Variants in TBC1D21 observed in about 807,000 individuals in gnomAD.
TBC1D21 encodes TBC1 domain family member 21.
In TBC1D21, 38 loss-of-function variants were observed where a neutral mutation model predicts 46.0. The observed-to-expected ratio is 0.83, with a 90% CI of 0.64 to 1.08. The LOEUF is 1.08. Among genes scored for constraint, TBC1D21 ranks in the 50% least tolerant of loss-of-function variants. The pLI is 0.00. For missense variants in TBC1D21, 415 were observed against 417.9 expected (o/e 0.99, Z 0.06); for synonymous variants, 151 against 157.2 (o/e 0.96, Z 0.29).
intron 8 of TBC1D21, 134 bp from the exon 9 acceptor site, chr15:73,887,486 G>A: frequency 1.4e-6 from 1 of 713,034 alleles, no homozygotes; most frequent in Non-Finnish European, 2.5e-6. Flanking sequence ...ATGAAGGAAT[G>A]ATTGAATGAG....
chr15:73,876,689 G>A (rs990212097), intron 1 of TBC1D21, among the ~76,000 whole-genome samples: 2 of 152,044 alleles, frequency 1.3e-5, no homozygotes, highest in African/African-American at 2.4e-5. Flanking sequence ...GCCTTATTGC[G>A]TTGATGCTGT....
chr15:73,876,592 T>G (rs2068073700), intron 1 of TBC1D21, among the ~76,000 whole-genome samples: 1 of 152,080 alleles, frequency 6.6e-6, no homozygotes, highest in South Asian at 2.1e-4. Context: ...AGTAGGCAGA[T>G]GGCCAATTGT....
chr15:73,883,227 G>A (rs2068185164), intron 3 of TBC1D21, among the ~76,000 whole-genome samples: 1 of 152,256 alleles, frequency 6.6e-6, no homozygotes, highest in Admixed American at 6.5e-5. Context: ...CCCGGGGTGG[G>A]ACGGGGGTGT....
chr15:73,883,060 T>C (rs2068182108), intron 3 of TBC1D21, among the ~76,000 whole-genome samples: 1 of 152,210 alleles, frequency 6.6e-6, no homozygotes, highest in Non-Finnish European at 1.5e-5. Flanking sequence ...AATCTTCCCA[T>C]CAGAGGAACG....
At chr15:73,908,713 C>T in the TBC1D21 span, among the ~76,000 whole-genome samples, 2 of 152,238 alleles carry the variant, frequency 1.3e-5, no homozygotes, top group Non-Finnish European at 2.9e-5. Flanking sequence ...GCATCACCTC[C>T]CAGGTGCTCA....
At position 73,876,199 on chromosome 15, in the gene TBC1D21, GT is replaced by G. The variant is rs539517539; in HGVS notation, c.60+2476del. On this transcript the variant is annotated intron_variant, in intron 1 of 10. Coordinates refer to ENST00000300504, the MANE Select transcript of TBC1D21 (RefSeq NM_153356.3). ...GAAGAATCAGTGACTTTTTTTGTGG[GT>G]TTTTTTTTTTTTTTTTTTTTTTTTT... is the stretch of plus-strand genomic sequence containing the variant. Among the ~76,000 whole-genome samples the G allele has an allele frequency of 6.3e-3, 178 of 28,316 alleles. 12 individuals are homozygous for G. The highest frequency in any genetic ancestry group is 0.014 in the Admixed American group (23 of 1,660). 18.6% of individuals were successfully genotyped at this position (28,316 alleles called of 152,430 possible). A position where few individuals can be genotyped will look rare whatever the true frequency, so the allele number is the denominator to read the frequency against.
At chr15:73,909,004 T>A in the TBC1D21 span, among the ~76,000 whole-genome samples, 2 of 152,226 alleles carry the variant, frequency 1.3e-5, no homozygotes, top group African/African-American at 4.8e-5. Context: ...CTTGGGCTCC[T>A]AACCTCTCCC....
intron 10 of TBC1D21, among the ~76,000 whole-genome samples, 156 bp downstream of exon 10, chr15:73,888,669 C>CTCT (rs1463110676): frequency 6.7e-6 from 1 of 149,668 alleles, no homozygotes. Flanking sequence ...CTTCCTCCTC[C>CTCT]TCTTCCTCCT....
chr15:73,903,499 CT>C, the TBC1D21 span, among the ~76,000 whole-genome samples: 1,747 of 152,300 alleles, frequency 0.011, 23 homozygotes, highest in African/African-American at 0.04. Flanking sequence ...TCTTATCTAC[CT>C]TTTTCTCTTC....
chr15:73,888,672 TTCC>T (rs1158360949), intron 10 of TBC1D21, among the ~76,000 whole-genome samples, 159 bp downstream of exon 10: 4 of 133,058 alleles, frequency 3.0e-5, no homozygotes, highest in African/African-American at 1.1e-4. Flanking sequence ...CCTCCTCCTC[TTCC>T]TCCTCCTCCT....
At chr15:73,891,290 C>T (rs1277230137), downstream of TBC1D21, among the ~76,000 whole-genome samples, 1 of 152,196 alleles carries the variant, frequency 6.6e-6, no homozygotes. Flanking sequence ...CATTGAAATC[C>T]TAGAGCCTAA....
chr15:73,876,711 C>T (rs1352819568), intron 1 of TBC1D21, among the ~76,000 whole-genome samples: 5 of 152,134 alleles, frequency 3.3e-5, no homozygotes, highest in African/African-American at 7.2e-5. Flanking sequence ...TCTTTTGTTA[C>T]GGTGTGCGGT....
chr15:73,887,445 T>C (rs2068267838), intron 8 of TBC1D21, among the ~76,000 whole-genome samples, 175 bp from the exon 9 acceptor site: 2 of 151,820 alleles, frequency 1.3e-5, no homozygotes, highest in African/African-American at 4.8e-5. Context: ...TGTGAGCACA[T>C]GCCTGAGTGA....
chr15:73,903,641 A>C, the TBC1D21 span, among the ~76,000 whole-genome samples: 458 of 152,290 alleles, frequency 3.0e-3, 2 homozygotes, highest in African/African-American at 0.01. Context: ...ATATTCAATC[A>C]TGGTACTCTC....
At chr15:73,882,270 T>C (rs1348797576) in intron 3 of TBC1D21, among the ~76,000 whole-genome samples, 1 of 152,154 alleles carries the variant, frequency 6.6e-6, no homozygotes, top group African/African-American at 2.4e-5. Context: ...ACGTTTCAAA[T>C]AGCACATCTT....
intron 3 of TBC1D21, among the ~76,000 whole-genome samples, chr15:73,883,174 CAG>C (rs959812128): frequency 1.3e-5 from 2 of 152,242 alleles, no homozygotes; most frequent in African/African-American, 4.8e-5. Flanking sequence ...AGCATCCAGA[CAG>C]AATGTGGAAA....
chr15:73,884,942 T>C (rs1383827911), intron 5 of TBC1D21, 51 bp downstream of exon 5: 2 of 1,608,944 alleles, frequency 1.2e-6, no homozygotes, highest in Non-Finnish European at 1.7e-6. Flanking sequence ...TGGCCCAACC[T>C]AAGCCAAGGG....
At chr15:73,896,662 G>A in the TBC1D21 span, among the ~76,000 whole-genome samples, 3 of 152,268 alleles carry the variant, frequency 2.0e-5, no homozygotes, top group South Asian at 2.1e-4. Context: ...GAGAGGAAGC[G>A]TGAGGCCCCC....
intron 1 of TBC1D21, among the ~76,000 whole-genome samples, chr15:73,874,207 CA>C (rs2068019385): frequency 6.6e-6 from 1 of 152,096 alleles, no homozygotes; most frequent in Non-Finnish European, 1.5e-5. Context: ...GGTATTTTTT[CA>C]AAATCATAAC....
Sources: allele counts gnomAD v4.1 joint callset (sites outside exome capture counted in the v4.1 genomes callset), GRCh38; gene constraint gnomAD v4.1.1; transcripts MANE v1.5; gene names NCBI Gene and HGNC (gene_info 2026-07-23, HGNC 2026-07-21).